Variants in DNAH10 observed in about 807,000 individuals in gnomAD.
The protein encoded by DNAH10 is dynein axonemal heavy chain 10.
DNAH10 carries 348 observed loss-of-function variants against 506.6 expected under a neutral mutation model. That is an observed-to-expected ratio of 0.69 (90% CI 0.63 to 0.75). The LOEUF (loss-of-function observed/expected upper bound fraction) is 0.75, where lower values mean the gene tolerates loss of function less well. Ranked by LOEUF, DNAH10 falls within the 30% of genes least tolerant of loss-of-function variation. DNAH10 has a pLI of 0.00. For missense variants in DNAH10, 5,179 were observed against 5,787.1 expected (o/e 0.89, Z 3.41); for synonymous variants, 2,059 against 2,198.6 (o/e 0.94, Z 1.78).
In DNAH10 at chr12:123,814,839, G is replaced by C. The variant is rs372473723; in HGVS notation, c.3780+927G>C. On this transcript the variant is annotated intron_variant, in intron 21 of 78. Coordinates refer to ENST00000673944, the MANE Select transcript of DNAH10 (RefSeq NM_001372106.1). ...TTACTATGTTAGCCAGGATGGTCTC[G>C]ATCTCCTGACCTTGTGATCCACCCA... 1.9e-4 allele frequency among the ~76,000 whole-genome samples: 29 copies of C among 152,086 alleles called. No homozygotes were observed. In the East Asian group the frequency reaches 5.2e-3, roughly 27 times the overall value.
chr12:123,782,047 C>T (rs1053021843), intron 6 of DNAH10, among the ~76,000 whole-genome samples: 4 of 152,158 alleles, frequency 2.6e-5, no homozygotes, highest in African/African-American at 7.2e-5. Context: ...GAAATTCCTG[C>T]TGGATGGATG....
intron 19 of DNAH10, 97 bp downstream of exon 19, chr12:123,809,050 G>A: frequency 7.0e-7 from 1 of 1,428,196 alleles, no homozygotes; most frequent in Non-Finnish European, 9.6e-7. Context: ...CACTGCCCAA[G>A]GTGGAATTCT....
intron 58 of DNAH10, 41 bp from the exon 59 acceptor site, chr12:123,910,495 A>G (rs1244170524): frequency 6.3e-7 from 1 of 1,599,308 alleles, no homozygotes; most frequent in Non-Finnish European, 8.5e-7. Context: ...TCCCAAGATG[A>G]AGCTTGCCAC....
At position 123,776,893 on chromosome 12, in the gene DNAH10, A is replaced by T. The variant is rs1360656862; in HGVS notation, c.621+2629A>T. Among the ~76,000 whole-genome samples, 6 of 152,168 alleles carry T rather than the reference A, an allele frequency of 3.9e-5. No homozygotes were observed. In the East Asian group the frequency reaches 9.6e-4, roughly 24 times the overall value. Reference sequence around the variant, plus strand: ...GACAGGAAGATGTACATTAACCAAGATCAATGAGAAAATATATAGTGTGTT... The same window carrying T: ...GACAGGAAGATGTACATTAACCAAGTTCAATGAGAAAATATATAGTGTGTT... On this transcript the variant is annotated intron_variant, in intron 5 of 78. Transcript: ENST00000673944.
At chr12:123,828,127 C>T (rs1287791101) in intron 25 of DNAH10, among the ~76,000 whole-genome samples, 1 of 151,716 alleles carries the variant, frequency 6.6e-6, no homozygotes, top group African/African-American at 2.4e-5. Context: ...TAAACTTCCA[C>T]CACCACTGTA....
rs540894212 is a variant in DNAH10 at position 123,784,898 on chromosome 12, C to T, written c.1230+721C>T. The stretch of plus-strand genomic sequence containing the variant: ...TTTTCAAGGTTCACCTGTGTTGTAG[C>T]GTGGAGCGTGTTAGTGTTTCACTCC... On this transcript the variant is annotated intron_variant, in intron 8 of 78. Transcript: ENST00000673944. Among the ~76,000 whole-genome samples, 21 of 152,340 alleles carry T rather than the reference C, an allele frequency of 1.4e-4. No homozygotes were observed. The South Asian group carries it at 3.3e-3, about 24-fold the overall frequency.
rs1372380959 is a variant in DNAH10, at chr12:123,851,313, A to ACG, written c.6291+237_6291+238insCG. 4.1e-3 allele frequency among the ~76,000 whole-genome samples: 603 copies of ACG among 145,822 alleles called. 13 individuals are homozygous for ACG. The highest frequency in any genetic ancestry group is 8.8e-3 in the African/African-American group (334 of 37,836). ...GGGTCTTCCAGACTGGGGACCTAGG[A>ACG]TGTGTTAGCTCCATGTGGCTCTTCC... On this transcript the variant is annotated intron_variant, in intron 35 of 78. Coordinates refer to ENST00000673944, the MANE Select transcript of DNAH10 (RefSeq NM_001372106.1).
At chr12:123,845,546 G>A (rs1950914594) in intron 30 of DNAH10, 54 bp from the exon 31 acceptor site, 1 of 1,591,344 alleles carries the variant, frequency 6.3e-7, no homozygotes, top group Non-Finnish European at 8.6e-7. Context: ...GGACTGTTTT[G>A]GGTACCAGTC....
At position 123,819,037 on chromosome 12, in the gene DNAH10, C is replaced by T. The variant is rs778218750; in HGVS notation, c.3868C>T (p.Leu1290Phe). The T allele has an allele frequency of 5.7e-5, 91 of 1,605,162 alleles. 1 individual carries two copies. The highest frequency in any genetic ancestry group is 5.1e-4 in the Admixed American group (30 of 58,706). Residue 1290 changes from leucine to phenylalanine, a missense_variant, in exon 22 of 79, where the codon CTT (leucine) becomes TTT (phenylalanine). By Grantham distance (22) the Leu-to-Phe change is conservative. Coordinates refer to ENST00000673944, the MANE Select transcript of DNAH10 (RefSeq NM_001372106.1). ...TGATTCAGTGAATGTGGAGCATGCT[C>T]TTGGGGACATAAAGAGAACTTTCAC... ...FNDSVNVEHA[L>F]GDIKRTFTEL...
In DNAH10 at chr12:123,925,623, C is replaced by T. The variant is rs1190784880; in HGVS notation, c.11921+419C>T. ...TACAGCACATCTCAATTGGGGCTAG[C>T]CACATTTTAAGTGCTGTGCCTCACG... is the stretch of plus-strand genomic sequence containing the variant. On this transcript the variant is annotated intron_variant, in intron 68 of 78. Coordinates refer to ENST00000673944, the MANE Select transcript of DNAH10 (RefSeq NM_001372106.1). The surrounding 1 kb of genome is among the most constrained non-coding windows in gnomAD (Gnocchi z 4.0). 1.2e-5 allele frequency: 2 copies of T among 168,746 alleles called. No individual in the cohort carries two copies. The highest frequency in any genetic ancestry group is 3.4e-4 in the East Asian group (2 of 5,912). The allele number at this position is 168,746 out of a possible 1,614,324, so 10.5% of individuals were successfully genotyped here.
In DNAH10 at chr12:123,934,659, T is replaced by C; in HGVS notation, c.13516T>C (p.Trp4506Arg). The stretch of plus-strand genomic sequence containing the variant: ...AGGACTGTACCTGGAAGGTGCTGAC[T>C]GGGATATAGAAAAAGGATGTCTTAT... Reference protein sequence around the residue: ...VSGLYLEGADWDIEKGCLIKS... With the variant: ...VSGLYLEGADRDIEKGCLIKS... Residue 4506 changes from tryptophan to arginine, a missense_variant, in exon 78 of 79, where the codon TGG (tryptophan) becomes CGG (arginine). Around this residue, in one of 3 missense-constraint regions of DNAH10, gnomAD observed 4,844 missense variants for 5,430.5 expected, o/e 0.89. Transcript: ENST00000673944. 6.2e-7 allele frequency: 1 copy of C among 1,613,724 alleles called. No homozygotes were observed. The highest frequency in any genetic ancestry group is 8.5e-7 in the Non-Finnish European group (1 of 1,179,776).
chr12:123,888,421 G>T (rs1952834307), intron 52 of DNAH10, among the ~76,000 whole-genome samples: 1 of 152,148 alleles, frequency 6.6e-6, no homozygotes, highest in Non-Finnish European at 1.5e-5. Context: ...TAAAGATCTT[G>T]AAGTGCCTTC....
At chr12:123,782,284 T>C (rs1307620808) in intron 6 of DNAH10, among the ~76,000 whole-genome samples, 2 of 150,234 alleles carry the variant, frequency 1.3e-5, no homozygotes, top group Non-Finnish European at 3.0e-5. Context: ...CTGAGACAAA[T>C]AGTTGGGCTT....
chr12:123,865,104 G>C (rs1951751988), intron 40 of DNAH10, among the ~76,000 whole-genome samples: 6 of 152,164 alleles, frequency 3.9e-5, no homozygotes, highest in Admixed American at 3.9e-4. Context: ...GTTAACAGTA[G>C]ATAATGTTTA....
At chr12:123,771,513 T>C in intron 2 of DNAH10, 88 bp from the exon 3 acceptor site, 1 of 1,040,322 alleles carries the variant, frequency 9.6e-7, no homozygotes, top group South Asian at 1.4e-5. Flanking sequence ...GAATGAAATG[T>C]ACTGGTGCAC....
In DNAH10 at chr12:123,793,822, A is replaced by G. The variant is rs529914698; in HGVS notation, c.1816-120A>G. 8.1e-5 allele frequency: 63 copies of G among 774,680 alleles called. No homozygotes were observed. The South Asian group carries it at 1.5e-3, about 18-fold the overall frequency. The allele number at this position is 774,680 out of a possible 1,614,324, so 48.0% of individuals were successfully genotyped here. On this transcript the variant is annotated intron_variant, in intron 11 of 78. Coordinates refer to ENST00000673944, the MANE Select transcript of DNAH10 (RefSeq NM_001372106.1). The stretch of plus-strand genomic sequence containing the variant: ...CACTTTAAATTGGATACCAGTTTCC[A>G]TTACTTATGCCATAGAAATCTGTCC...
Position 123,785,914 on chromosome 12 carries a change from G to C in DNAH10, c.1399G>C (p.Val467Leu). ...AATCGCTGAGAGAGTCTGCCGAGTG[G>C]TCAACCTGCGGACTTTGTTCAAGTA... is the stretch of plus-strand genomic sequence containing the variant. ...WEIAERVCRV[V>L]NLRTLFKENR... The change falls in exon 9 of 79, where the codon GTC becomes CTC. Residue 467 changes from valine (V) to leucine (L), a missense_variant. Val to Leu is a conservative substitution (Grantham distance 32, BLOSUM62 1). Coordinates refer to ENST00000673944, the MANE Select transcript of DNAH10 (RefSeq NM_001372106.1). This position sits in a 1 kb window ranked among gnomAD's most constrained non-coding sequence, Gnocchi z 4.1. 6.2e-7 allele frequency: 1 copy of C among 1,613,124 alleles called. No homozygotes were observed. The highest frequency in any genetic ancestry group is 8.5e-7 in the Non-Finnish European group (1 of 1,179,184).
chr12:123,853,146 A>G lies in DNAH10; in HGVS notation c.6292-60A>G. On this transcript the variant is annotated intron_variant, in intron 35 of 78. Coordinates refer to ENST00000673944, the MANE Select transcript of DNAH10 (RefSeq NM_001372106.1). This position sits in a 1 kb window ranked among gnomAD's most constrained non-coding sequence, Gnocchi z 4.7. ...TCTTGCATTTGTAGAATGATGCTCCATTGCTTTTGAATCATTTTCTTTTTT... is the reference window on the plus strand; with the variant it reads ...TCTTGCATTTGTAGAATGATGCTCCGTTGCTTTTGAATCATTTTCTTTTTT... The G allele has an allele frequency of 6.8e-7, 1 of 1,460,596 alleles. No homozygotes were observed. The highest frequency in any genetic ancestry group is 9.1e-7 in the Non-Finnish European group (1 of 1,096,428). 90.5% of individuals were successfully genotyped at this position (1,460,596 alleles called of 1,614,324 possible).
chr12:123,785,235 TCAC>T lies in DNAH10; in HGVS notation c.1231-504_1231-502del, dbSNP rs1447397916. Among the ~76,000 whole-genome samples, 6 of 152,248 alleles carry T rather than the reference TCAC, an allele frequency of 3.9e-5. No individual in the cohort carries two copies. The highest frequency in any genetic ancestry group is 5.9e-5 in the Non-Finnish European group (4 of 68,044). On this transcript the variant is annotated intron_variant, in intron 8 of 78. Coordinates refer to ENST00000673944, the MANE Select transcript of DNAH10 (RefSeq NM_001372106.1). This position sits in a 1 kb window ranked among gnomAD's most constrained non-coding sequence, Gnocchi z 4.1. ...CGAAGGTTCTGGTTTTTCCGTATCT[TCAC>T]CACCACTTGTTATCGTCTTTCTGAT...
Sources: gnomAD v4.1 joint callset for allele counts (sites outside exome capture counted in the v4.1 genomes callset) on GRCh38, gnomAD v4.1.1 for gene constraint, gnomAD v4.1.1 regional missense constraint, Gnocchi (gnomAD v3.1) non-coding constraint, MANE v1.5 for transcripts, NCBI Gene and HGNC (gene_info 2026-07-23, HGNC 2026-07-21) for gene names.